PAM: variants seen among roughly 807,000 people sequenced by gnomAD.
PAM encodes peptidylglycine alpha-amidating monooxygenase.
Under a neutral mutation model 122.1 loss-of-function variants are expected in PAM, and 72 were observed. That is an observed-to-expected ratio of 0.59 (90% confidence interval 0.49 to 0.72). The LOEUF (loss-of-function observed/expected upper bound fraction) is 0.72. PAM is among the 30% of genes least tolerant of loss of function. PAM has a pLI of 0.00. For missense variants in PAM, 1,106 were observed against 1,183.7 expected, an observed-to-expected ratio of 0.93 and a Z score of 0.96; for synonymous variants, 389 against 404.4, an observed-to-expected ratio of 0.96 and a Z score of 0.46.
intron 14 of PAM, among the ~76,000 whole-genome samples, chr5:102,966,993 C>CT (rs3836846): frequency 3.9e-4 from 59 of 150,354 alleles, no homozygotes; most frequent in African/African-American, 9.3e-4. Flanking sequence ...AAATTAGATA[C>CT]TTTTTTTTTT....
intron 1 of PAM, among the ~76,000 whole-genome samples, chr5:102,816,342 C>T (rs1395770949): frequency 6.6e-6 from 1 of 152,140 alleles, no homozygotes; most frequent in East Asian, 1.9e-4. Context: ...CCTCAAGGAA[C>T]TTACATTATA....
chr5:102,871,586 C>T, intron 3 of PAM, among the ~76,000 whole-genome samples: 1 of 151,134 alleles, frequency 6.6e-6, no homozygotes, highest in East Asian at 1.9e-4. Flanking sequence ...ATAAAAGGAA[C>T]ACTGAGAATA....
At position 102,926,730 on chromosome 5, in the gene PAM, C is replaced by T. The variant is rs1749705717; in HGVS notation, c.526+62C>T. ...AGTACTATATTGTTTAAAATACATG[C>T]ACAAACTATTATCTACATCTTAAAA... On this transcript the variant is annotated intron_variant, in intron 7 of 25. Coordinates refer to ENST00000438793, the MANE Select transcript of PAM (RefSeq NM_001177306.2). The T allele has an allele frequency of 2.2e-5, 18 of 831,066 alleles. No homozygotes were observed. The Admixed American group carries it at 3.3e-4, about 15-fold the overall frequency. 51.5% of individuals were successfully genotyped at this position (831,066 alleles called of 1,614,324 possible).
intron 1 of PAM, among the ~76,000 whole-genome samples, chr5:102,821,018 G>A (rs1409050836): frequency 6.6e-6 from 1 of 152,078 alleles, no homozygotes; most frequent in African/African-American, 2.4e-5. Context: ...GAGTTTTGGA[G>A]GTGAACCAAC....
intron 3 of PAM, among the ~76,000 whole-genome samples, chr5:102,890,863 G>T (rs965799994): frequency 6.6e-6 from 1 of 151,874 alleles, no homozygotes; most frequent in African/African-American, 2.4e-5. Context: ...ATGGGCATTT[G>T]CAGTTCCTAC....
At chr5:103,025,104 A>G (rs1251055543) in intron 23 of PAM, 27 bp from the exon 24 acceptor site, 2 of 1,543,428 alleles carry the variant, frequency 1.3e-6, no homozygotes, top group Non-Finnish European at 1.8e-6. Context: ...AGTCAGTTGA[A>G]TATTGTGAAC....
chr5:102,875,000 A>T (rs925476356), intron 3 of PAM, among the ~76,000 whole-genome samples: 2 of 152,080 alleles, frequency 1.3e-5, no homozygotes, highest in Non-Finnish European at 2.9e-5. Flanking sequence ...CCCATGGTTC[A>T]TTTTGTAATT....
chr5:102,789,247 AT>A (rs1276502221), intron 1 of PAM, among the ~76,000 whole-genome samples: 1 of 152,080 alleles, frequency 6.6e-6, no homozygotes, highest in Non-Finnish European at 1.5e-5. Flanking sequence ...GGAAGTTGGA[AT>A]TTTAAAAGCA....
chr5:102,802,755 T>C lies in PAM; in HGVS notation c.-374+47407T>C, dbSNP rs187132954. On this transcript the variant is annotated intron_variant, in intron 1 of 25. Transcript: ENST00000438793. ...GAAGGTGGTGTCATCCGATTATCTG[T>C]AGTTTTGTTTATTATTATTAATTAT... 8.5e-5 allele frequency among the ~76,000 whole-genome samples: 13 copies of C among 152,300 alleles called. No homozygotes were observed. The East Asian group carries it at 2.5e-3, about 29-fold the overall frequency.
intron 5 of PAM, among the ~76,000 whole-genome samples, chr5:102,920,298 A>G (rs1279638429): frequency 6.6e-6 from 1 of 152,082 alleles, no homozygotes; most frequent in Non-Finnish European, 1.5e-5. Flanking sequence ...TTGATAAAGT[A>G]TATATTAATC....
At chr5:102,996,592 C>G (rs1227583108) in intron 16 of PAM, among the ~76,000 whole-genome samples, 1 of 152,064 alleles carries the variant, frequency 6.6e-6, no homozygotes, top group Non-Finnish European at 1.5e-5. Flanking sequence ...ATTATTTGCC[C>G]CATGTAACCG....
chr5:102,812,336 G>A (rs954650590), intron 1 of PAM, among the ~76,000 whole-genome samples: 12 of 151,858 alleles, frequency 7.9e-5, no homozygotes, highest in African/African-American at 2.7e-4. Context: ...CACACAAAGC[G>A]TAAGATAATT....
At position 102,940,009 on chromosome 5, in the gene PAM, G is replaced by T. The variant is rs528532762; in HGVS notation, c.527-6828G>T. 2.0e-5 allele frequency among the ~76,000 whole-genome samples: 3 copies of T among 151,784 alleles called. No individual in the cohort carries two copies. The South Asian group carries it at 6.3e-4, about 32-fold the overall frequency. ...AGGTTACCCTCCCTTTGTTTATCATGAGTCTTTAGAGGTTTAAGTAAAACA... is the reference window on the plus strand; with the variant it reads ...AGGTTACCCTCCCTTTGTTTATCATTAGTCTTTAGAGGTTTAAGTAAAACA... On this transcript the variant is annotated intron_variant, in intron 7 of 25. Coordinates refer to ENST00000438793, the MANE Select transcript of PAM (RefSeq NM_001177306.2).
At chr5:102,830,077 T>C (rs1464872871) in intron 1 of PAM, among the ~76,000 whole-genome samples, 1 of 152,186 alleles carries the variant, frequency 6.6e-6, no homozygotes, top group Non-Finnish European at 1.5e-5. Context: ...CTGCCTGTAC[T>C]GGGGCTTATG....
intron 1 of PAM, among the ~76,000 whole-genome samples, chr5:102,831,881 TC>T (rs1177854293): frequency 2.0e-5 from 3 of 152,038 alleles, no homozygotes; most frequent in African/African-American, 7.2e-5. Context: ...CTTCTCTCTC[TC>T]TCTCTCTCTC....
chr5:102,905,642 G>A (rs973704498), intron 4 of PAM, among the ~76,000 whole-genome samples: 3 of 151,700 alleles, frequency 2.0e-5, no homozygotes, highest in Middle Eastern at 3.4e-3. Flanking sequence ...TACATTGCTC[G>A]TATATCCATG....
chr5:103,030,355 G>A (rs1010745232), downstream of PAM: 1 of 152,178 alleles, frequency 6.6e-6, no homozygotes, highest in Non-Finnish European at 1.5e-5. Flanking sequence ...ATTCGTCAAT[G>A]CAAGTTAGTA....
At chr5:102,830,217 G>A (rs1775021024) in intron 1 of PAM, among the ~76,000 whole-genome samples, 1 of 152,066 alleles carries the variant, frequency 6.6e-6, no homozygotes, top group African/African-American at 2.4e-5. Flanking sequence ...TACCTGCATT[G>A]CGTCCCCATT....
At chr5:102,829,212 T>C (rs1580655974) in intron 1 of PAM, among the ~76,000 whole-genome samples, 2 of 152,176 alleles carry the variant, frequency 1.3e-5, no homozygotes. Context: ...AAGTCATACG[T>C]ACAAAATGTA....
Sources: allele counts gnomAD v4.1 joint callset (sites outside exome capture counted in the v4.1 genomes callset), GRCh38; gene constraint gnomAD v4.1.1; transcripts MANE v1.5; gene names NCBI Gene and HGNC (gene_info 2026-07-23, HGNC 2026-07-21).